EP400: variants seen among roughly 807,000 people sequenced by gnomAD.
The protein encoded by EP400 is E1A binding protein p400.
A neutral mutation model predicts 354.1 loss-of-function variants in EP400; 105 were observed. The ratio of observed to expected loss-of-function variants is 0.30; its 90% CI spans 0.25 to 0.35. The LOEUF (loss-of-function observed/expected upper bound fraction) is 0.35. Among genes scored for constraint, EP400 ranks in the 10% least tolerant of loss-of-function variants. The pLI, the probability that EP400 is intolerant of heterozygous loss-of-function variation, is 1.00. For missense variants in EP400, 3,280 were observed against 4,121.0 expected, an observed-to-expected ratio of 0.80 and a Z score of 5.59; for synonymous variants, 1,646 against 1,716.9, an observed-to-expected ratio of 0.96 and a Z score of 1.02.
intron 2 of EP400, among the ~76,000 whole-genome samples, chr12:131,979,228 G>T (rs1593321891): frequency 6.6e-6 from 1 of 150,506 alleles, no homozygotes; most frequent in African/African-American, 2.4e-5. Flanking sequence ...AAAAAAAAAA[G>T]ATCTAAATTA....
rs760344792 is a variant in EP400 at position 132,005,167 on chromosome 12, A to G, written c.2918A>G (p.Asp973Gly). ...CCCCGGCCGAAGCCTGATGGGGAGG[A>G]CACAAGCGGAGAGGAAGGTGCGCTC... is the stretch of plus-strand genomic sequence containing the variant. ...QWPRPKPDGE[D>G]TSGEEDADDC... Residue 973 changes from aspartate to glycine, a missense_variant, in exon 13 of 53, where the codon GAC becomes GGC. Asp to Gly is a moderately conservative substitution (Grantham distance 94). Around this residue, in one of 20 missense-constraint regions of EP400, gnomAD observed 800 missense variants for 840.0 expected, o/e 0.95. Transcript: ENST00000389561. 1 of 1,577,202 alleles carries G rather than the reference A, an allele frequency of 6.3e-7. No individual in the cohort carries two copies. Among genetic ancestry groups the G allele is most frequent in the African/African-American group, 1.3e-5 (1 of 74,508 alleles).
intron 30 of EP400, among the ~76,000 whole-genome samples, chr12:132,032,523 AT>A (rs1894549202): frequency 6.6e-6 from 1 of 151,664 alleles, no homozygotes; most frequent in Admixed American, 6.6e-5. Flanking sequence ...TACGATTTAG[AT>A]TTTGGGTTGT....
chr12:132,000,988 T>C (rs1349470693), intron 12 of EP400, among the ~76,000 whole-genome samples: 2 of 152,226 alleles, frequency 1.3e-5, no homozygotes, highest in Admixed American at 6.5e-5. Flanking sequence ...TTATGAATCC[T>C]GGTTTCTGCT....
chr12:131,994,939 C>G lies in EP400; in HGVS notation c.2810C>G (p.Ser937Cys), dbSNP rs1893154639. Reference sequence around the variant, plus strand: ...GTTGTGGACCACCAAACAGAACTTTCTAATTTAGCCAAGGAAGGTAGGCTG... The same window carrying G: ...GTTGTGGACCACCAAACAGAACTTTGTAATTTAGCCAAGGAAGGTAGGCTG... ...EGVVDHQTEL[S>C]NLAKEAELPL... Residue 937 changes from serine to cysteine, a missense_variant, in exon 12 of 53, where the codon TCT becomes TGT. Physicochemically the swap from Ser to Cys is moderately radical, Grantham distance 112. Coordinates refer to ENST00000389561, the MANE Select transcript of EP400 (RefSeq NM_015409.5). The surrounding 1 kb of genome is among the most constrained non-coding windows in gnomAD (Gnocchi z 4.6). 6.2e-7 allele frequency: 1 copy of G among 1,613,872 alleles called. No homozygotes were observed. Among genetic ancestry groups the G allele is most frequent in the African/African-American group, 1.3e-5 (1 of 74,912 alleles).
rs546361019 is a variant in EP400 at position 131,963,082 on chromosome 12, G to A, written c.1335+1128G>A. ...AAATAGTAAAATTCATTTCTGTTAC[G>A]TTTGTATACCAATGTTGTCTGTAAG... On this transcript the variant is annotated intron_variant, in intron 2 of 52. Coordinates refer to ENST00000389561, the MANE Select transcript of EP400 (RefSeq NM_015409.5). 3.8e-4 allele frequency among the ~76,000 whole-genome samples: 58 copies of A among 152,160 alleles called. No homozygotes were observed. In the Middle Eastern group the frequency reaches 0.01, roughly 27 times the overall value.
At position 132,062,523 on chromosome 12, in the gene EP400, G is replaced by GGCAGCAGCA; in HGVS notation, c.8169_8177dup (p.Gln2746_Gln2748dup). On this transcript the variant is annotated inframe_insertion, in exon 47 of 53. Transcript: ENST00000389561. ...ACACCTGCACATTTCCAGCTTCTCA[G>GGCAGCAGCA]GCAGCAGCAGCAGCAGCAGCAACAA... The GGCAGCAGCA allele has an allele frequency of 2.5e-6, 4 of 1,575,030 alleles. No individual in the cohort carries two copies. Among genetic ancestry groups the GGCAGCAGCA allele is most frequent in the African/African-American group, 1.4e-5 (1 of 69,848 alleles).
rs760529671 is a variant in EP400 at position 132,006,104 on chromosome 12, C to T, written c.2936-8C>T. Reference sequence around the variant, plus strand: ...GGCCCTCACTTCTCTGTTTTATTGTCGTTACAGATGCAGATGACTGTCCAG... The same window carrying T: ...GGCCCTCACTTCTCTGTTTTATTGTTGTTACAGATGCAGATGACTGTCCAG... On this transcript the variant is annotated splice_polypyrimidine_tract_variant and splice_region_variant and intron_variant, in intron 13 of 52. Transcript: ENST00000389561. 38 of 1,610,522 alleles carry T rather than the reference C, an allele frequency of 2.4e-5. No individual in the cohort carries two copies. The highest frequency in any genetic ancestry group is 3.3e-5 in the Admixed American group (2 of 59,746).
In EP400 at chr12:132,067,805, G is replaced by A. The variant is rs1026923499; in HGVS notation, c.8874+319G>A. 2.0e-5 allele frequency among the ~76,000 whole-genome samples: 3 copies of A among 151,966 alleles called. No individual in the cohort carries two copies. The highest frequency in any genetic ancestry group is 2.9e-5 in the Non-Finnish European group (2 of 67,958). ...GACACAGGGGGTGCAATTGCATGAT[G>A]GGGGCCAGTGGGCTCAGGGAAGCAG... is the stretch of plus-strand genomic sequence containing the variant. On this transcript the variant is annotated intron_variant, in intron 50 of 52. Transcript: ENST00000389561. This position sits in a 1 kb window ranked among gnomAD's most constrained non-coding sequence, Gnocchi z 5.3.
intron 39 of EP400, among the ~76,000 whole-genome samples, chr12:132,047,733 A>G (rs1399412827): frequency 6.6e-6 from 1 of 152,232 alleles, no homozygotes; most frequent in Non-Finnish European, 1.5e-5. Context: ...ATCAGGAAAC[A>G]GGGTTTGAGA....
At chr12:132,009,830 ATTTT>A (rs35513772) in intron 15 of EP400, among the ~76,000 whole-genome samples, 2 of 79,722 alleles carry the variant, frequency 2.5e-5, no homozygotes, top group Non-Finnish European at 2.3e-5. Flanking sequence ...CGCCTGGCTA[ATTTT>A]TTTTTTTTTT....
intron 21 of EP400, among the ~76,000 whole-genome samples, 159 bp from the exon 22 acceptor site, chr12:132,019,890 C>G (rs936798910): frequency 1.3e-4 from 20 of 152,108 alleles, no homozygotes; most frequent in Admixed American, 2.6e-4. Flanking sequence ...TAGAGCAGTA[C>G]TTAGGCATCT....
Position 131,987,688 on chromosome 12 carries a change from C to T in EP400, c.2224-17C>T, listed in dbSNP as rs753616499. On this transcript the variant is annotated splice_polypyrimidine_tract_variant and intron_variant, in intron 6 of 52. Transcript: ENST00000389561. ...CATCACATGCCGACCCCACCATCCCCCATGTATCATCTACAGGAGAACCAG... is the reference window on the plus strand; with the variant it reads ...CATCACATGCCGACCCCACCATCCCTCATGTATCATCTACAGGAGAACCAG... 1 of 1,575,098 alleles carries T rather than the reference C, an allele frequency of 6.3e-7. No individual in the cohort carries two copies. Among genetic ancestry groups the T allele is most frequent in the Admixed American group, 1.8e-5 (1 of 56,472 alleles).
intron 45 of EP400, among the ~76,000 whole-genome samples, chr12:132,061,300 T>C (rs1198044262): frequency 1.3e-5 from 2 of 151,080 alleles, no homozygotes; most frequent in Non-Finnish European, 2.9e-5. Flanking sequence ...GAGGAAAGAG[T>C]CATCTGAGAG....
intron 12 of EP400, among the ~76,000 whole-genome samples, chr12:131,999,857 C>T (rs573162068): frequency 2.1e-4 from 32 of 152,182 alleles, no homozygotes; most frequent in Non-Finnish European, 4.0e-4. Flanking sequence ...CATACATTGT[C>T]AATAATTTCT....
chr12:131,976,769 T>C (rs1375348064), intron 2 of EP400, among the ~76,000 whole-genome samples: 1 of 152,190 alleles, frequency 6.6e-6, no homozygotes, highest in African/African-American at 2.4e-5. Flanking sequence ...TCTTTCTCCT[T>C]TGTGGCAGGA....
At chr12:131,981,466 AC>A in intron 3 of EP400, 22 bp from the exon 4 acceptor site, 1 of 1,525,552 alleles carries the variant, frequency 6.6e-7, no homozygotes, top group Non-Finnish European at 8.9e-7. Context: ...ATCAAACTGC[AC>A]CTTTTTTGAA....
chr12:131,994,720 AT>A lies in EP400; in HGVS notation c.2738-145del. 1 of 595,592 alleles carries A rather than the reference AT, an allele frequency of 1.7e-6. No homozygotes were observed. The highest frequency in any genetic ancestry group is 1.9e-5 in the African/African-American group (1 of 52,548). The allele number at this position is 595,592 out of a possible 1,614,324, so 36.9% of individuals were successfully genotyped here. A position where few individuals can be genotyped will look rare whatever the true frequency, so the allele number is the denominator to read the frequency against. ...ACACTTCCAGTTTCCTGCCCATTTA[AT>A]TAAATTTAACCTGAGAAGTTTAAAA... On this transcript the variant is annotated intron_variant, in intron 11 of 52. Transcript: ENST00000389561. The surrounding 1 kb of genome is among the most constrained non-coding windows in gnomAD (Gnocchi z 4.6).
Position 132,077,530 on chromosome 12 carries a change from G to T in EP400, c.9229G>T (p.Ala3077Ser). ...CATTCAGCAGCAGGTGGTGACCACG[G>T]CGTCGGCCCCGCTCCAGACTCCAGG... Reference protein sequence around the residue: ...KLIQQQVVTTASAPLQTPGAP... With the variant: ...KLIQQQVVTTSSAPLQTPGAP... Residue 3077 changes from alanine to serine, a missense_variant, in exon 53 of 53, where the codon GCG becomes TCG. Transcript: ENST00000389561. 1 of 1,613,870 alleles carries T rather than the reference G, an allele frequency of 6.2e-7. No individual in the cohort carries two copies. Among genetic ancestry groups the T allele is most frequent in the East Asian group, 2.2e-5 (1 of 44,878 alleles).
chr12:132,001,086 C>T (rs1893395534), intron 12 of EP400, among the ~76,000 whole-genome samples: 3 of 151,876 alleles, frequency 2.0e-5, no homozygotes, highest in Non-Finnish European at 2.9e-5. Flanking sequence ...GGGTTTCTTC[C>T]CACCGTGTGT....
Sources: allele counts gnomAD v4.1 joint callset (sites outside exome capture counted in the v4.1 genomes callset), GRCh38; gene constraint gnomAD v4.1.1; regional missense constraint gnomAD v4.1.1; non-coding constraint Gnocchi (gnomAD v3.1); transcripts MANE v1.5; gene names NCBI Gene and HGNC (gene_info 2026-07-23, HGNC 2026-07-21).